The following MCF2L variants were observed in gnomAD, a reference collection of about 807,000 sequenced individuals.
MCF2L encodes the protein guanine nucleotide exchange factor DBS.
A neutral mutation model predicts 153.4 loss-of-function variants in MCF2L; 97 were observed. The ratio of observed to expected loss-of-function variants is 0.63; its 90% CI spans 0.54 to 0.75. MCF2L has a LOEUF of 0.75. Among genes scored for constraint, MCF2L ranks in the 30% least tolerant of loss-of-function variants. The probability of loss-of-function intolerance (pLI) is 0.00; values close to 1 mark genes in which losing one functional copy is unlikely to be tolerated. For synonymous variants in MCF2L, 659 were observed against 632.2 expected, an observed-to-expected ratio of 1.04 and a Z score of -0.64; for missense variants, 1,347 against 1,495.2, an observed-to-expected ratio of 0.90 and a Z score of 1.64.
chr13:113,076,857 C>G (rs1172345486), intron 12 of MCF2L, among the ~76,000 whole-genome samples, 195 bp from the exon 13 acceptor site: 2 of 152,262 alleles, frequency 1.3e-5, no homozygotes, highest in African/African-American at 4.8e-5. Context: ...GGGGCCCCGT[C>G]CCGTGTGGGG....
At chr13:113,011,419 G>A (rs946331994) in intron 1 of MCF2L, among the ~76,000 whole-genome samples, 1 of 151,892 alleles carries the variant, frequency 6.6e-6, no homozygotes, top group African/African-American at 2.4e-5. Context: ...ATGATGGACA[G>A]GTGGTGTGGA....
chr13:113,096,687 G>T, intron 29 of MCF2L, 34 bp downstream of exon 29: 1 of 1,560,542 alleles, frequency 6.4e-7, no homozygotes, highest in Non-Finnish European at 8.6e-7. Flanking sequence ...CACCCGTGAC[G>T]CTGCCAAGGG....
chr13:112,940,266 A>G (rs2081562161), intron 2 of MCF2L, among the ~76,000 whole-genome samples: 1 of 152,228 alleles, frequency 6.6e-6, no homozygotes, highest in South Asian at 2.1e-4. Context: ...TAACTGGTTT[A>G]TTTGGACACC....
At chr13:113,013,843 T>C (rs1217420938) in intron 1 of MCF2L, among the ~76,000 whole-genome samples, 1 of 152,268 alleles carries the variant, frequency 6.6e-6, no homozygotes, top group African/African-American at 2.4e-5. Flanking sequence ...GCAGCCGCTC[T>C]GTAGCAGAGA....
Position 113,031,990 on chromosome 13 carries a change from A to AC in MCF2L, c.278+7239dup, listed in dbSNP as rs1011126920. On this transcript the variant is annotated intron_variant, in intron 3 of 29. Transcript: ENST00000535094. The surrounding 1 kb of genome is among the most constrained non-coding windows in gnomAD (Gnocchi z 5.5). The stretch of plus-strand genomic sequence containing the variant: ...CACACACACATGCAAGTGCATGCAT[A>AC]CCCCCCCACAGACCTGCACATGTAC... Among the ~76,000 whole-genome samples, 8 of 151,990 alleles carry AC rather than the reference A, an allele frequency of 5.3e-5. No individual in the cohort carries two copies. The highest frequency in any genetic ancestry group is 1.9e-4 in the East Asian group (1 of 5,168).
At chr13:112,959,260 C>T (rs942140678) in intron 2 of MCF2L, among the ~76,000 whole-genome samples, 4 of 152,240 alleles carry the variant, frequency 2.6e-5, no homozygotes, top group Middle Eastern at 3.4e-3. Context: ...CACCACCCCC[C>T]GTCCTCCGGG....
At chr13:113,034,237 G>A (rs1175873281) in intron 3 of MCF2L, 1 of 149,520 alleles carries the variant, frequency 6.7e-6, no homozygotes, top group African/African-American at 2.5e-5. Flanking sequence ...TCCCAGCTCA[G>A]GTGATCCTCC....
Position 113,075,105 on chromosome 13 carries a change from C to T in MCF2L, c.1224C>T (p.His408=), listed in dbSNP as rs950172188. 3.7e-6 allele frequency: 6 copies of T among 1,613,654 alleles called. No homozygotes were observed. The highest frequency in any genetic ancestry group is 5.1e-6 in the Non-Finnish European group (6 of 1,179,972). The part of the protein sequence containing the change: ...SIRPKCQELR[H]LCDQFSAEIA... Reference sequence around the variant, plus strand: ...GCCCAAAGTGCCAGGAGCTCCGGCACCTCTGTGACCAGTTCTCTGCGGAGA... The same window carrying T: ...GCCCAAAGTGCCAGGAGCTCCGGCATCTCTGTGACCAGTTCTCTGCGGAGA... The change falls in exon 11 of 30, where the codon CAC becomes CAT. Residue 408 remains histidine, a synonymous_variant. Transcript: ENST00000535094.
chr13:112,898,147 G>A (rs544878872), intron 1 of MCF2L, among the ~76,000 whole-genome samples: 10 of 152,330 alleles, frequency 6.6e-5, no homozygotes, highest in African/African-American at 2.2e-4. Context: ...AGTGGAAGCC[G>A]TGTGGCAGCG....
upstream of MCF2L, chr13:112,968,759 C>T (rs1320892119): frequency 5.8e-6 from 8 of 1,376,332 alleles, no homozygotes; most frequent in East Asian, 1.2e-4. Context: ...GAGGCAGCTG[C>T]ACTCGCTCGG....
intron 2 of MCF2L, among the ~76,000 whole-genome samples, chr13:112,944,177 C>T (rs1166720706): frequency 7.0e-6 from 1 of 142,176 alleles, no homozygotes; most frequent in Non-Finnish European, 1.5e-5. Flanking sequence ...TGAAGGGAGG[C>T]TCCTGGGCTG....
intron 21 of MCF2L, 122 bp from the exon 22 acceptor site, chr13:113,087,113 G>A (rs892635721): frequency 5.3e-5 from 42 of 793,582 alleles, no homozygotes; most frequent in Middle Eastern, 3.8e-4. Context: ...TTCCTGGGAC[G>A]CCCTGCAGCT....
intron 1 of MCF2L, chr13:112,979,215 G>C (rs2082315596): frequency 1.8e-6 from 1 of 565,044 alleles, no homozygotes; most frequent in South Asian, 7.4e-5. Flanking sequence ...TTGAACTTGA[G>C]ACTTCCTGAG....
In MCF2L at chr13:113,053,647, G is replaced by A. The variant is rs966081885; in HGVS notation, c.370-6946G>A. 6.6e-6 allele frequency among the ~76,000 whole-genome samples: 1 copy of A among 152,190 alleles called. No homozygotes were observed. Among genetic ancestry groups the A allele is most frequent in the African/African-American group, 2.4e-5 (1 of 41,450 alleles). On this transcript the variant is annotated intron_variant, in intron 4 of 29. Transcript: ENST00000535094. The surrounding 1 kb of genome is among the most constrained non-coding windows in gnomAD (Gnocchi z 4.4). ...CCCGTGGCTGAGGTGTCCACTGACC[G>A]TTTCTGCCTGAATGGGTGGTTCGGT...
At chr13:112,997,973 GTA>G in intron 1 of MCF2L, among the ~76,000 whole-genome samples, 2 of 152,370 alleles carry the variant, frequency 1.3e-5, no homozygotes, top group Middle Eastern at 6.8e-3. Context: ...AGCAGCAGCT[GTA>G]TGAAGCCGGT....
chr13:112,989,146 G>T (rs111724491), intron 1 of MCF2L, among the ~76,000 whole-genome samples: 1 of 6,430 alleles, frequency 1.6e-4, no homozygotes, highest in Admixed American at 1.4e-3. Flanking sequence ...CTACCACACC[G>T]GAGTCCTCCC....
intron 3 of MCF2L, among the ~76,000 whole-genome samples, chr13:113,038,616 G>A (rs1364088807): frequency 6.6e-6 from 1 of 152,140 alleles, no homozygotes; most frequent in African/African-American, 2.4e-5. Flanking sequence ...TAAAATTCCA[G>A]CAGGTTTTTC....
chr13:112,901,209 GGT>G (rs550323598), intron 1 of MCF2L, among the ~76,000 whole-genome samples: 62 of 151,980 alleles, frequency 4.1e-4, no homozygotes, highest in Non-Finnish European at 7.4e-4. Context: ...GCTGGAGTGC[GGT>G]GGTGCAATCT....
At position 113,096,532 on chromosome 13, in the gene MCF2L, G is replaced by A. The variant is rs767845219; in HGVS notation, c.3189-18G>A. On this transcript the variant is annotated intron_variant, in intron 28 of 29. Transcript: ENST00000535094. ...GACTGCCCCGCACGTGGCTGCCGCT[G>A]ACCCTCGCCCCTTGCAGGTACGTCA... The A allele has an allele frequency of 5.6e-6, 9 of 1,593,840 alleles. No homozygotes were observed. In the African/African-American group the frequency reaches 1.1e-4, roughly 19 times the overall value.
Sources: gnomAD v4.1 joint callset for allele counts (sites outside exome capture counted in the v4.1 genomes callset) on GRCh38, gnomAD v4.1.1 for gene constraint, Gnocchi (gnomAD v3.1) non-coding constraint, MANE v1.5 for transcripts, NCBI Gene and HGNC (gene_info 2026-07-23, HGNC 2026-07-21) for gene names.